The following ZFHX3 variants were observed in gnomAD, a reference collection of about 807,000 sequenced individuals.
The protein encoded by ZFHX3 is zinc finger homeobox 3.
ZFHX3 carries 42 observed loss-of-function variants against 279.1 expected under a neutral mutation model. That is an observed-to-expected ratio of 0.15 (90% CI 0.12 to 0.19). The LOEUF (loss-of-function observed/expected upper bound fraction) is 0.19. Among genes scored for constraint, ZFHX3 ranks in the 10% least tolerant of loss-of-function variants. The pLI is 1.00. For missense variants in ZFHX3, 4,981 were observed against 4,754.0 expected (o/e 1.05, Z -1.40); for synonymous variants, 2,293 against 1,957.8 (o/e 1.17, Z -4.52).
At chr16:73,119,376 G>A (rs922706043) in intron 7 of ZFHX3, among the ~76,000 whole-genome samples, 1 of 152,136 alleles carries the variant, frequency 6.6e-6, no homozygotes, top group Non-Finnish European at 1.5e-5. Flanking sequence ...CAAAGTTCTG[G>A]GATTACAGGT....
At chr16:72,906,906 A>G (rs1310107953) in intron 3 of ZFHX3, among the ~76,000 whole-genome samples, 2 of 152,164 alleles carry the variant, frequency 1.3e-5, no homozygotes, top group East Asian at 3.9e-4. Context: ...GACTAGAGAG[A>G]GGACTGCCCA....
At chr16:72,829,546 C>G (rs1414126432) in intron 5 of ZFHX3, 1 of 491,948 alleles carries the variant, frequency 2.0e-6, no homozygotes, top group Admixed American at 3.3e-5. Context: ...TTTGGTGCCA[C>G]TTAAAAAGCT....
chr16:73,589,881 G>T (rs1361383708), intron 2 of ZFHX3, among the ~76,000 whole-genome samples: 1 of 151,346 alleles, frequency 6.6e-6, no homozygotes, highest in Non-Finnish European at 1.5e-5. Flanking sequence ...AACAAGGGAC[G>T]CTAACTGTGT....
At chr16:73,057,757 G>A (rs1418633459) in intron 1 of ZFHX3, among the ~76,000 whole-genome samples, 2 of 151,334 alleles carry the variant, frequency 1.3e-5, no homozygotes, top group Admixed American at 6.6e-5. Flanking sequence ...CGCACAGGTA[G>A]AGGATCGCGC....
chr16:73,177,594 A>T (rs1241735249), intron 5 of ZFHX3, among the ~76,000 whole-genome samples: 2 of 152,268 alleles, frequency 1.3e-5, no homozygotes, highest in African/African-American at 4.8e-5. Flanking sequence ...ACACTGGCAT[A>T]CAGCCAATAT....
chr16:73,805,462 G>T (rs992111732), intron 1 of ZFHX3, among the ~76,000 whole-genome samples: 1 of 152,100 alleles, frequency 6.6e-6, no homozygotes, highest in African/African-American at 2.4e-5. Context: ...AGCTACCGTG[G>T]CTGGCCATTC....
At chr16:73,454,740 G>A (rs1206760964) in intron 3 of ZFHX3, among the ~76,000 whole-genome samples, 2 of 151,996 alleles carry the variant, frequency 1.3e-5, no homozygotes, top group Admixed American at 6.5e-5. Flanking sequence ...TCAGGGAGAG[G>A]AGCGAGACTA....
At chr16:73,741,888 C>T (rs768178106) in intron 1 of ZFHX3, among the ~76,000 whole-genome samples, 14 of 152,108 alleles carry the variant, frequency 9.2e-5, no homozygotes, top group Admixed American at 2.6e-4. Flanking sequence ...TTGAAGGGAC[C>T]GCTGATTTTA....
intron 1 of ZFHX3, among the ~76,000 whole-genome samples, chr16:73,716,612 A>AACACACACACACAC (rs144449904): frequency 2.2e-4 from 7 of 31,804 alleles, no homozygotes; most frequent in African/African-American, 3.5e-4. Context: ...TCTTACTCTG[A>AACACACACACACAC]ACACACACAC....
chr16:72,955,532 A>T (rs902088712), intron 2 of ZFHX3, among the ~76,000 whole-genome samples: 5 of 152,198 alleles, frequency 3.3e-5, no homozygotes, highest in African/African-American at 1.2e-4. Flanking sequence ...TAATCCCAGC[A>T]CTTTGGGAGG....
chr16:73,607,964 C>A (rs2052207661), intron 2 of ZFHX3, among the ~76,000 whole-genome samples: 1 of 151,886 alleles, frequency 6.6e-6, no homozygotes, highest in Admixed American at 6.6e-5. Flanking sequence ...CCCAGCTACT[C>A]AGGAAGCTGA....
intron 4 of ZFHX3, among the ~76,000 whole-genome samples, chr16:73,285,363 C>T (rs997300793): frequency 5.9e-5 from 9 of 152,200 alleles, no homozygotes; most frequent in Admixed American, 1.3e-4. Flanking sequence ...TACTACCTAA[C>T]ACCAGGAGAG....
chr16:73,385,387 G>C (rs968712779), intron 3 of ZFHX3, among the ~76,000 whole-genome samples: 32 of 152,188 alleles, frequency 2.1e-4, no homozygotes, highest in African/African-American at 7.0e-4. Context: ...TCTGCAGGAG[G>C]AGCATGAATA....
At chr16:73,122,266 C>T (rs113846682) in intron 7 of ZFHX3, among the ~76,000 whole-genome samples, 14,421 of 151,908 alleles carry the variant, frequency 0.095, 697 homozygotes, top group Middle Eastern at 0.14. Context: ...AGTGCAGTGA[C>T]GCAATCTCGG....
chr16:72,799,132 CTGAAG>C (rs2036015531), intron 8 of ZFHX3, among the ~76,000 whole-genome samples: 1 of 152,134 alleles, frequency 6.6e-6, no homozygotes, highest in Non-Finnish European at 1.5e-5. Flanking sequence ...CACAGTAGAT[CTGAAG>C]TGTAGAATAT....
intron 2 of ZFHX3, among the ~76,000 whole-genome samples, chr16:73,524,534 C>T (rs1242726153): frequency 6.6e-6 from 1 of 152,210 alleles, no homozygotes; most frequent in African/African-American, 2.4e-5. Flanking sequence ...GCTTGATTCT[C>T]ATGTTCTGAT....
chr16:73,223,540 G>A (rs1013975619), intron 5 of ZFHX3, among the ~76,000 whole-genome samples: 1 of 152,088 alleles, frequency 6.6e-6, no homozygotes, highest in Non-Finnish European at 1.5e-5. Context: ...CCAAAATAAC[G>A]ACAACCCCAT....
chr16:73,776,831 G>A (rs1416796121), intron 1 of ZFHX3, among the ~76,000 whole-genome samples: 1 of 152,010 alleles, frequency 6.6e-6, no homozygotes, highest in Non-Finnish European at 1.5e-5. Flanking sequence ...CGCCTGAACC[G>A]TTCGCACTTC....
chr16:73,120,578 C>T (rs1188576497), intron 7 of ZFHX3, among the ~76,000 whole-genome samples: 1 of 151,256 alleles, frequency 6.6e-6, no homozygotes, highest in Non-Finnish European at 1.5e-5. Context: ...CTGGCCAAAC[C>T]CCATACCTTT....
Sources: gnomAD v4.1 joint callset for allele counts (sites outside exome capture counted in the v4.1 genomes callset) on GRCh38, gnomAD v4.1.1 for gene constraint, MANE v1.5 for transcripts, NCBI Gene and HGNC (gene_info 2026-07-23, HGNC 2026-07-21) for gene names.